PPP1R12C: variants seen among roughly 807,000 people sequenced by gnomAD.
PPP1R12C encodes the protein leukocyte receptor cluster (LRC) encoded novel gene 3.
In PPP1R12C, 48 loss-of-function variants were observed where a neutral mutation model predicts 95.6. The ratio of observed to expected loss-of-function variants is 0.50; its 90% confidence interval spans 0.40 to 0.64. The LOEUF is 0.64. PPP1R12C is among the 30% of genes least tolerant of loss of function. The probability of loss-of-function intolerance (pLI) is 0.00; values close to 1 mark genes in which losing one functional copy is unlikely to be tolerated. For missense variants in PPP1R12C, 1,057 were observed against 1,083.3 expected, an observed-to-expected ratio of 0.98 and a Z score of 0.34; for synonymous variants, 480 against 460.8, an observed-to-expected ratio of 1.04 and a Z score of -0.53.
chr19:55,097,396 TCAC>T (rs1263654017), intron 6 of PPP1R12C, among the ~76,000 whole-genome samples: 2 of 126,734 alleles, frequency 1.6e-5, no homozygotes, highest in East Asian at 2.5e-4. Context: ...TCCCTGCAGT[TCAC>T]CACCGTCTTC....
At position 55,094,732 on chromosome 19, in the gene PPP1R12C, A is replaced by C; in HGVS notation, c.1521T>G (p.Pro507=). The C allele has an allele frequency of 1.2e-6, 2 of 1,609,734 alleles. No individual in the cohort carries two copies. The highest frequency in any genetic ancestry group is 1.7e-6 in the Non-Finnish European group (2 of 1,178,910). The change falls in exon 12 of 22, where the codon CCT becomes CCG. Residue 507 remains proline, a synonymous_variant. Coordinates refer to ENST00000263433, the MANE Select transcript of PPP1R12C (RefSeq NM_017607.4). ...NSSPPSRIPE[P]ESPAKPNVPT... is the part of the protein sequence containing the mutation. Reference sequence around the variant, plus strand: ...GGACGTTTGGCTTCGCTGGGGATTCAGGCTCCGGAATCCTGGAGGGAGGCG... The same window carrying C: ...GGACGTTTGGCTTCGCTGGGGATTCCGGCTCCGGAATCCTGGAGGGAGGCG...
intron 3 of PPP1R12C, among the ~76,000 whole-genome samples, chr19:55,106,984 C>G (rs529117302): frequency 2.0e-4 from 31 of 152,122 alleles, no homozygotes; most frequent in African/African-American, 7.2e-4. Flanking sequence ...ACGGAGAGAA[C>G]CTGTCTAAGA....
chr19:55,100,271 T>G (rs953463257), intron 4 of PPP1R12C, among the ~76,000 whole-genome samples: 7 of 152,178 alleles, frequency 4.6e-5, no homozygotes, highest in Non-Finnish European at 7.4e-5. Flanking sequence ...AGTTCTCAAC[T>G]GGGGCAATGC....
In PPP1R12C at chr19:55,117,268, G is replaced by T. The variant is rs772013252; in HGVS notation, c.276C>A (p.Ala92=). Residue 92 remains alanine, a synonymous_variant, in exon 1 of 22, where the codon GCC becomes GCA. Coordinates refer to ENST00000263433, the MANE Select transcript of PPP1R12C (RefSeq NM_017607.4). ...LDPAAPPPAR[A]VLDSTNADGI... is the part of the protein sequence containing the mutation. The stretch of plus-strand genomic sequence containing the variant: ...CGTCGGCGTTGGTGGAGTCCAGCAC[G>T]GCGCGGGCGGGCGGCGGCGCGGCGG... 2.7e-5 allele frequency: 33 copies of T among 1,224,660 alleles called. No individual in the cohort carries two copies. The African/African-American group carries it at 5.2e-4, about 19-fold the overall frequency. 75.9% of individuals were successfully genotyped at this position (1,224,660 alleles called of 1,614,324 possible).
At chr19:55,112,277 T>C in intron 3 of PPP1R12C, 190 bp downstream of exon 3, 3 of 420,236 alleles carry the variant, frequency 7.1e-6, no homozygotes, top group South Asian at 2.5e-5. Context: ...GTGCGTGTGC[T>C]GGGCTCCAAG....
At position 55,103,401 on chromosome 19, in the gene PPP1R12C, C is replaced by A; in HGVS notation, c.731+8G>T. 1 of 1,488,406 alleles carries A rather than the reference C, an allele frequency of 6.7e-7. No homozygotes were observed. Among genetic ancestry groups the A allele is most frequent in the South Asian group, 1.3e-5 (1 of 77,294 alleles). 92.2% of individuals were successfully genotyped at this position (1,488,406 alleles called of 1,614,324 possible). On this transcript the variant is annotated splice_region_variant and intron_variant, in intron 4 of 21. Coordinates refer to ENST00000263433, the MANE Select transcript of PPP1R12C (RefSeq NM_017607.4). ...GACAGCAAGATGGAACAGACTGGCC[C>A]AACTCACCTCATCACCTCAATGTAG... is the stretch of plus-strand genomic sequence containing the variant.
chr19:55,091,115 A>T lies in PPP1R12C; in HGVS notation c.*357T>A, dbSNP rs1319667383. On this transcript the variant is annotated 3_prime_UTR_variant, in exon 22 of 22. Transcript: ENST00000263433. ...GCACATTCTTGGATCCCTGCTCAGG[A>T]GGGGAGGGGTGACGGGGTGGCATCA... is the stretch of plus-strand genomic sequence containing the variant. The T allele has an allele frequency of 2.5e-5, 8 of 321,116 alleles. No homozygotes were observed. The highest frequency in any genetic ancestry group is 4.7e-5 in the Non-Finnish European group (8 of 168,944). The allele number at this position is 321,116 out of a possible 1,614,324, so 19.9% of individuals were successfully genotyped here. A position where few individuals can be genotyped will look rare whatever the true frequency, so the allele number is the denominator to read the frequency against.
At chr19:55,092,731 C>T (rs2084860416) in intron 16 of PPP1R12C, 52 bp downstream of exon 16, 4 of 1,531,848 alleles carry the variant, frequency 2.6e-6, no homozygotes, top group South Asian at 1.2e-5. Context: ...AGGGCTTTGC[C>T]CGCCCCCCGG....
intron 15 of PPP1R12C, 58 bp downstream of exon 15, chr19:55,092,958 G>A (rs1215198262): frequency 1.3e-6 from 2 of 1,569,862 alleles, no homozygotes; most frequent in East Asian, 4.5e-5. Flanking sequence ...AAAGCAAGAA[G>A]ACTATGGGAG....
intron 11 of PPP1R12C, 95 bp downstream of exon 11, chr19:55,095,196 C>G: frequency 7.3e-7 from 1 of 1,370,150 alleles, no homozygotes; most frequent in Non-Finnish European, 1.0e-6. Flanking sequence ...GAACCAGACC[C>G]CAGGGGGTAC....
At chr19:55,094,520 C>A in intron 12 of PPP1R12C, 85 bp from the exon 13 acceptor site, 3 of 1,592,654 alleles carry the variant, frequency 1.9e-6, no homozygotes, top group Non-Finnish European at 2.6e-6. Context: ...GAAGCAAGTT[C>A]TGTGGGAGGG....
rs1308964424 is a variant in PPP1R12C, at chr19:55,092,561, G to A, written c.1953-17C>T. On this transcript the variant is annotated splice_polypyrimidine_tract_variant and intron_variant, in intron 17 of 21. Transcript: ENST00000263433. ...TCCAGGGTGCTGGGGCAGGGGAGGA[G>A]CGCGCGTCAGGGGCCGGCCCGGCCC... 1.3e-6 allele frequency: 2 copies of A among 1,586,012 alleles called. No individual in the cohort carries two copies. Among genetic ancestry groups the A allele is most frequent in the Non-Finnish European group, 1.7e-6 (2 of 1,166,718 alleles).
At chr19:55,104,199 T>TATATATATATATATATACACACACAC (rs34075382) in intron 3 of PPP1R12C, among the ~76,000 whole-genome samples, 4 of 120,036 alleles carry the variant, frequency 3.3e-5, no homozygotes, top group African/African-American at 1.5e-4. Flanking sequence ...TATATATATA[T>TATATATATATATATATACACACACAC]ACACACACAC....
chr19:55,105,027 C>T (rs953531025), intron 3 of PPP1R12C, among the ~76,000 whole-genome samples: 5 of 151,146 alleles, frequency 3.3e-5, no homozygotes, highest in African/African-American at 1.2e-4. Context: ...GCCTCGGCCT[C>T]CCAAAGTGCT....
At chr19:55,092,931 C>T (rs533252936) in intron 15 of PPP1R12C, 63 bp from the exon 16 acceptor site, 52 of 1,583,628 alleles carry the variant, frequency 3.3e-5, no homozygotes, top group Non-Finnish European at 4.5e-5. Context: ...CCTGGGTCCC[C>T]GGGTCAAGCC....
At position 55,093,240 on chromosome 19, in the gene PPP1R12C, G is replaced by T; in HGVS notation, c.1684-7C>A. The T allele has an allele frequency of 6.2e-7, 1 of 1,611,816 alleles. No homozygotes were observed. The highest frequency in any genetic ancestry group is 2.2e-5 in the East Asian group (1 of 44,788). On this transcript the variant is annotated splice_polypyrimidine_tract_variant and splice_region_variant and intron_variant, in intron 13 of 21. Transcript: ENST00000263433. ...GGTCTGTAAGAGTCACACCCTGGCAGGGAAAGGGGACAGTCAGGGGACGCT... is the reference window on the plus strand; with the variant it reads ...GGTCTGTAAGAGTCACACCCTGGCATGGAAAGGGGACAGTCAGGGGACGCT...
intron 18 of PPP1R12C, 29 bp from the exon 19 acceptor site, chr19:55,092,355 G>A (rs554872707): frequency 3.9e-5 from 62 of 1,576,530 alleles, no homozygotes; most frequent in East Asian, 7.0e-5. Flanking sequence ...AGGGTCAGGT[G>A]GAGGATGGGG....
rs80252875 is a variant in PPP1R12C at position 55,097,458 on chromosome 19, TCAC to T, written c.952-1126_952-1124del. Among the ~76,000 whole-genome samples, 355 of 113,126 alleles carry T rather than the reference TCAC, an allele frequency of 3.1e-3. 22 individuals are homozygous for T. In the East Asian group the frequency reaches 0.092, roughly 29 times the overall value. 74.2% of individuals were successfully genotyped at this position (113,126 alleles called of 152,430 possible). A position where few individuals can be genotyped will look rare whatever the true frequency, so the allele number is the denominator to read the frequency against. On this transcript the variant is annotated intron_variant, in intron 6 of 21. Transcript: ENST00000263433. ...CGTCTTCGCCCCTTCTCCGCGCAGT[TCAC>T]CACCGTCTTCACACCTTCCCCGCGC...
chr19:55,093,372 AGGAGTCCAGACCTCCAGCCCCTCCTCCCT>A, intron 13 of PPP1R12C, 139 bp from the exon 14 acceptor site: 5 of 33,560 alleles, frequency 1.5e-4, no homozygotes, highest in East Asian at 1.4e-3. Flanking sequence ...CCTCAGACCC[AGGAGTCCAGACCTCCAGCCCCTCCTCCCT>A]CAGACCCAGG....
Sources: gnomAD v4.1 joint callset for allele counts (sites outside exome capture counted in the v4.1 genomes callset) on GRCh38, gnomAD v4.1.1 for gene constraint, MANE v1.5 for transcripts, NCBI Gene and HGNC (gene_info 2026-07-23, HGNC 2026-07-21) for gene names.